The following AKAP6 variants were observed in gnomAD, a reference collection of about 807,000 sequenced individuals.
AKAP6 encodes A-kinase anchoring protein 6, also known as A-kinase anchor protein 6.
A neutral mutation model predicts 188.5 loss-of-function variants in AKAP6; 58 were observed. The ratio of observed to expected loss-of-function variants is 0.31; its 90% CI spans 0.25 to 0.38. AKAP6 has a LOEUF of 0.38. Ranked by LOEUF, AKAP6 falls within the 10% of genes least tolerant of loss-of-function variation. The pLI is 1.00. For synonymous variants in AKAP6, 989 were observed against 998.6 expected (o/e 0.99, Z 0.18); for missense variants, 2,710 against 2,740.0 (o/e 0.99, Z 0.24).
chr14:32,690,674 C>T (rs961478765), intron 8 of AKAP6, among the ~76,000 whole-genome samples: 24 of 152,224 alleles, frequency 1.6e-4, no homozygotes, highest in Middle Eastern at 3.4e-3. Flanking sequence ...AGAAAAATTT[C>T]GCACATCTAT....
At chr14:32,337,937 T>C (rs997729556) in intron 1 of AKAP6, among the ~76,000 whole-genome samples, 3 of 152,236 alleles carry the variant, frequency 2.0e-5, no homozygotes, top group South Asian at 2.1e-4. Flanking sequence ...GGAGGATTGC[T>C]TGAGCCTAGA....
intron 5 of AKAP6, among the ~76,000 whole-genome samples, chr14:32,593,694 A>G (rs997533712): frequency 6.6e-6 from 1 of 152,190 alleles, no homozygotes; most frequent in Non-Finnish European, 1.5e-5. Flanking sequence ...CAAGGGCTGG[A>G]AAATATTGAG....
At chr14:32,755,987 G>T (rs936133770) in intron 11 of AKAP6, among the ~76,000 whole-genome samples, 6 of 152,232 alleles carry the variant, frequency 3.9e-5, no homozygotes, top group African/African-American at 1.4e-4. Flanking sequence ...CACTTCATCA[G>T]GGAAAACTCT....
In AKAP6 at chr14:32,824,757, G is replaced by C. The variant is rs765658916; in HGVS notation, c.6944G>C (p.Arg2315Thr). 1 of 1,612,422 alleles carries C rather than the reference G, an allele frequency of 6.2e-7. No individual in the cohort carries two copies. The highest frequency in any genetic ancestry group is 1.1e-5 in the South Asian group (1 of 90,834). The change falls in exon 13 of 14, where the codon AGA (arginine) becomes ACA (threonine). Residue 2315 changes from arginine to threonine, a missense_variant. Physicochemically the swap from Arg to Thr is moderately conservative, Grantham distance 71 (BLOSUM62 -1). Around this residue, in one of 2 missense-constraint regions of AKAP6, gnomAD observed 2,473 missense variants for 2,426.1 expected, o/e 1.02. Transcript: ENST00000280979. ...CTAAACCTTCATGAAAAACGACATA[G>C]AAATATGCATAGGTAGAATGTACCC... ...NLLNLHEKRH[R>T]NMHR
At chr14:32,809,954 G>A (rs906425982) in intron 12 of AKAP6, among the ~76,000 whole-genome samples, 13 of 152,144 alleles carry the variant, frequency 8.5e-5, no homozygotes, top group African/African-American at 2.7e-4. Flanking sequence ...AGAGAAAAAA[G>A]CAACCAAGCT....
chr14:32,433,873 C>G, intron 2 of AKAP6, 56 bp downstream of exon 2: 1 of 1,506,762 alleles, frequency 6.6e-7, no homozygotes, highest in Non-Finnish European at 9.0e-7. Context: ...GCTGTGGCAC[C>G]TAGAGACTGT....
intron 7 of AKAP6, among the ~76,000 whole-genome samples, chr14:32,645,599 A>G (rs1254237797): frequency 3.3e-5 from 5 of 152,080 alleles, no homozygotes; most frequent in African/African-American, 1.2e-4. Flanking sequence ...ATATTTCTTG[A>G]TGGCACTGCC....
At chr14:32,485,639 C>T (rs1013053664) in intron 2 of AKAP6, among the ~76,000 whole-genome samples, 8 of 143,800 alleles carry the variant, frequency 5.6e-5, no homozygotes, top group South Asian at 2.4e-4. Context: ...TCATACCCTT[C>T]GCCCACCTTT....
At chr14:32,606,657 A>G (rs540109850) in intron 7 of AKAP6, among the ~76,000 whole-genome samples, 104 of 150,510 alleles carry the variant, frequency 6.9e-4, no homozygotes, top group African/African-American at 2.3e-3. Flanking sequence ...AGTCCCAACT[A>G]ACATCTTCAT....
chr14:32,532,532 T>A (rs1882469358), intron 2 of AKAP6, among the ~76,000 whole-genome samples: 1 of 152,184 alleles, frequency 6.6e-6, no homozygotes, highest in Non-Finnish European at 1.5e-5. Flanking sequence ...AGGAGCCAAA[T>A]CATGTATAAG....
intron 12 of AKAP6, among the ~76,000 whole-genome samples, chr14:32,806,199 C>T (rs2034084547): frequency 2.0e-5 from 3 of 152,288 alleles, no homozygotes; most frequent in South Asian, 4.1e-4. Context: ...ACATGAGCTT[C>T]ACACCCAAAG....
chr14:32,812,157 T>C (rs1008200130), intron 12 of AKAP6, among the ~76,000 whole-genome samples: 2 of 152,178 alleles, frequency 1.3e-5, no homozygotes, highest in Non-Finnish European at 2.9e-5. Flanking sequence ...GATATTATCA[T>C]TGGGAGAAAA....
At chr14:32,765,310 G>A (rs557772815) in intron 11 of AKAP6, among the ~76,000 whole-genome samples, 11 of 152,192 alleles carry the variant, frequency 7.2e-5, no homozygotes, top group African/African-American at 2.6e-4. Flanking sequence ...GCATATAGTC[G>A]ACTCAGAATG....
At chr14:32,432,459 A>T (rs1356385642) in intron 1 of AKAP6, among the ~76,000 whole-genome samples, 1 of 152,162 alleles carries the variant, frequency 6.6e-6, no homozygotes, top group Non-Finnish European at 1.5e-5. Flanking sequence ...TTTACTGTTT[A>T]TGTATTTCAG....
chr14:32,590,327 T>C (rs1037898836), intron 5 of AKAP6, among the ~76,000 whole-genome samples: 1 of 151,124 alleles, frequency 6.6e-6, no homozygotes, highest in Non-Finnish European at 1.5e-5. Flanking sequence ...TGCACATGCA[T>C]GATAGGTATT....
At chr14:32,613,165 C>G (rs971139720) in intron 7 of AKAP6, among the ~76,000 whole-genome samples, 14 of 152,172 alleles carry the variant, frequency 9.2e-5, no homozygotes, top group African/African-American at 3.1e-4. Flanking sequence ...GGAACACAGT[C>G]TCTCTGTTTT....
intron 2 of AKAP6, among the ~76,000 whole-genome samples, chr14:32,454,476 C>T (rs1363332264): frequency 6.6e-6 from 1 of 152,180 alleles, no homozygotes; most frequent in Admixed American, 6.5e-5. Context: ...ACTCCCGTGC[C>T]ACAAGGCTTT....
chr14:32,630,667 A>G (rs557141583), intron 7 of AKAP6, among the ~76,000 whole-genome samples: 1 of 152,196 alleles, frequency 6.6e-6, no homozygotes, highest in Non-Finnish European at 1.5e-5. Context: ...TTTGAGGTAA[A>G]GGGTAGGTAA....
intron 12 of AKAP6, among the ~76,000 whole-genome samples, chr14:32,811,115 T>C (rs1333613664): frequency 2.0e-5 from 3 of 151,640 alleles, no homozygotes; most frequent in African/African-American, 7.3e-5. Flanking sequence ...GGTGGGCGCC[T>C]GTTGTCCCAG....
Sources: gnomAD v4.1 joint callset for allele counts (sites outside exome capture counted in the v4.1 genomes callset) on GRCh38, gnomAD v4.1.1 for gene constraint, gnomAD v4.1.1 regional missense constraint, MANE v1.5 for transcripts, NCBI Gene and HGNC (gene_info 2026-07-23, HGNC 2026-07-21) for gene names.